Variants in INPP5A observed in about 807,000 individuals in gnomAD.
The protein encoded by INPP5A is 43 kDa inositol polyphosphate 5-phophatase.
Under a neutral mutation model 65.2 loss-of-function variants are expected in INPP5A, and 14 were observed. The observed-to-expected ratio is 0.21, with a 90% CI of 0.14 to 0.34. INPP5A has a LOEUF of 0.34. Ranked by LOEUF, INPP5A falls within the 10% of genes least tolerant of loss-of-function variation. The pLI is 1.00. For synonymous variants in INPP5A, 207 were observed against 208.3 expected (o/e 0.99, Z 0.05); for missense variants, 431 against 545.6 (o/e 0.79, Z 2.09).
intron 4 of INPP5A, among the ~76,000 whole-genome samples, chr10:132,686,480 G>A (rs944128926): frequency 1.3e-5 from 2 of 152,216 alleles, no homozygotes; most frequent in Non-Finnish European, 2.9e-5. Flanking sequence ...ACTTCCTGTC[G>A]GCAGGCCCCG....
intron 2 of INPP5A, among the ~76,000 whole-genome samples, chr10:132,611,577 C>T (rs1232349927): frequency 1.6e-5 from 2 of 122,928 alleles, no homozygotes; most frequent in South Asian, 2.7e-4. Context: ...GGGGAGAGGC[C>T]CTGTCAGGGG....
chr10:132,764,702 T>G (rs112327577), intron 11 of INPP5A, among the ~76,000 whole-genome samples: 638 of 34,000 alleles, frequency 0.019, no homozygotes, highest in Admixed American at 0.028. Context: ...AGTCCTGCTG[T>G]GGTGGGAGGG....
intron 6 of INPP5A, among the ~76,000 whole-genome samples, chr10:132,701,032 C>G (rs1387364139): frequency 1.3e-5 from 2 of 152,204 alleles, no homozygotes; most frequent in Non-Finnish European, 2.9e-5. Flanking sequence ...GCTGCAAGCT[C>G]TCATGAAGGA....
chr10:132,688,617 G>A (rs1845185403), intron 4 of INPP5A, among the ~76,000 whole-genome samples: 2 of 151,790 alleles, frequency 1.3e-5, no homozygotes, highest in East Asian at 1.9e-4. Context: ...AAGTGTGTGA[G>A]TGTGAGCAAG....
At chr10:132,562,060 C>A (rs1284083707) in intron 1 of INPP5A, among the ~76,000 whole-genome samples, 3 of 152,262 alleles carry the variant, frequency 2.0e-5, no homozygotes, top group Admixed American at 2.0e-4. Context: ...CACAAAACAT[C>A]AGGTGGTGCC....
At position 132,708,777 on chromosome 10, in the gene INPP5A, C is replaced by G. The variant is rs542298318; in HGVS notation, c.527+412C>G. Among the ~76,000 whole-genome samples the G allele has an allele frequency of 4.1e-3, 624 of 152,346 alleles. 2 individuals are homozygous for G. The highest frequency in any genetic ancestry group is 0.01 in the Middle Eastern group (3 of 294). On this transcript the variant is annotated intron_variant, in intron 7 of 15. Coordinates refer to ENST00000368594, the MANE Select transcript of INPP5A (RefSeq NM_005539.5). ...CAGACTGAGCACAGACGTAGCGGAGCCTGCGTCTCATCCACATATCCTCTG... is the reference window on the plus strand; with the variant it reads ...CAGACTGAGCACAGACGTAGCGGAGGCTGCGTCTCATCCACATATCCTCTG...
At position 132,708,429 on chromosome 10, in the gene INPP5A, G is replaced by A. The variant is rs528476450; in HGVS notation, c.527+64G>A. 1.1e-5 allele frequency: 16 copies of A among 1,510,588 alleles called. No homozygotes were observed. The South Asian group carries it at 1.5e-4, about 14-fold the overall frequency. 93.6% of individuals were successfully genotyped at this position (1,510,588 alleles called of 1,614,324 possible). The stretch of plus-strand genomic sequence containing the variant: ...TCTTACCCTTTTATATCTTGCACCA[G>A]CGGCATGTTCCACACACCTCATTGG... On this transcript the variant is annotated intron_variant, in intron 7 of 15. Transcript: ENST00000368594.
chr10:132,749,915 C>G, intron 11 of INPP5A, 70 bp downstream of exon 11: 1 of 1,326,556 alleles, frequency 7.5e-7, no homozygotes, highest in Non-Finnish European at 1.1e-6. Flanking sequence ...TTCCCATTAC[C>G]TCTGCTTACC....
At position 132,545,931 on chromosome 10, in the gene INPP5A, C is replaced by T. The variant is rs1184834005; in HGVS notation, c.75+7760C>T. ...CCTGAGGTGATGAGAGTGTGGATGGCACCTGCACTGTGTCCACTCTTTAGG... is the reference window on the plus strand; with the variant it reads ...CCTGAGGTGATGAGAGTGTGGATGGTACCTGCACTGTGTCCACTCTTTAGG... On this transcript the variant is annotated intron_variant, in intron 1 of 15. Transcript: ENST00000368594. The surrounding 1 kb of genome is among the most constrained non-coding windows in gnomAD (Gnocchi z 4.6). 6.6e-6 allele frequency among the ~76,000 whole-genome samples: 1 copy of T among 152,220 alleles called. No individual in the cohort carries two copies. Among genetic ancestry groups the T allele is most frequent in the Non-Finnish European group, 1.5e-5 (1 of 68,046 alleles).
Position 132,697,625 on chromosome 10 carries a change from A to G in INPP5A, c.371-191A>G, listed in dbSNP as rs901176704. Among the ~76,000 whole-genome samples the G allele has an allele frequency of 6.6e-6, 1 of 152,038 alleles. No individual in the cohort carries two copies. Among genetic ancestry groups the G allele is most frequent in the South Asian group, 2.1e-4 (1 of 4,812 alleles). Reference sequence around the variant, plus strand: ...ATTCCAGGTCATGGGAGGGGAATTTATGAGCCACAGGCATGGAGTAGCCGG... The same window carrying G: ...ATTCCAGGTCATGGGAGGGGAATTTGTGAGCCACAGGCATGGAGTAGCCGG... On this transcript the variant is annotated intron_variant, in intron 5 of 15. Transcript: ENST00000368594. This position sits in a 1 kb window ranked among gnomAD's most constrained non-coding sequence, Gnocchi z 5.6.
chr10:132,599,556 G>A (rs1168517142), intron 1 of INPP5A, among the ~76,000 whole-genome samples: 4 of 152,254 alleles, frequency 2.6e-5, no homozygotes, highest in African/African-American at 9.6e-5. Flanking sequence ...CACAGTGCAA[G>A]CTGTTGGTGA....
intron 1 of INPP5A, among the ~76,000 whole-genome samples, chr10:132,592,530 C>T (rs569625036): frequency 6.6e-6 from 1 of 152,296 alleles, no homozygotes; most frequent in South Asian, 2.1e-4. Flanking sequence ...ATTCTCCTGC[C>T]TCAGCCTCCC....
At position 132,549,877 on chromosome 10, in the gene INPP5A, C is replaced by T. The variant is rs948116540; in HGVS notation, c.75+11706C>T. On this transcript the variant is annotated intron_variant, in intron 1 of 15. Coordinates refer to ENST00000368594, the MANE Select transcript of INPP5A (RefSeq NM_005539.5). The surrounding 1 kb of genome is among the most constrained non-coding windows in gnomAD (Gnocchi z 4.9). ...ACGGAGTCAGCCTCAAATTATTAACCAGGCATTAGGGGATGGGGTCAGCCT... is the reference window on the plus strand; with the variant it reads ...ACGGAGTCAGCCTCAAATTATTAACTAGGCATTAGGGGATGGGGTCAGCCT... Among the ~76,000 whole-genome samples, 5 of 151,962 alleles carry T rather than the reference C, an allele frequency of 3.3e-5. No individual in the cohort carries two copies. The highest frequency in any genetic ancestry group is 3.3e-4 in the Admixed American group (5 of 15,252).
intron 8 of INPP5A, among the ~76,000 whole-genome samples, chr10:132,723,155 C>T (rs1845916856): frequency 6.6e-6 from 1 of 152,220 alleles, no homozygotes; most frequent in South Asian, 2.1e-4. Context: ...AGGACGATGA[C>T]GCGGCGTCTC....
chr10:132,780,765 C>A (rs1382278927), intron 13 of INPP5A, 84 bp from the exon 14 acceptor site: 8 of 1,105,218 alleles, frequency 7.2e-6, no homozygotes, highest in African/African-American at 1.5e-5. Context: ...CCCCACAAAA[C>A]CCTGATGTTC....
chr10:132,623,884 T>G (rs1052379227), intron 2 of INPP5A, among the ~76,000 whole-genome samples: 1 of 152,206 alleles, frequency 6.6e-6, no homozygotes, highest in Non-Finnish European at 1.5e-5. Flanking sequence ...AAATGGCAAG[T>G]AAGTGCCTGA....
chr10:132,610,867 G>A (rs936725195), intron 2 of INPP5A, among the ~76,000 whole-genome samples: 15 of 152,376 alleles, frequency 9.8e-5, no homozygotes, highest in African/African-American at 3.4e-4. Flanking sequence ...TAGGCAGATC[G>A]CTTGGAGAAC....
chr10:132,578,435 C>T (rs976061930), intron 1 of INPP5A, among the ~76,000 whole-genome samples: 11 of 140,172 alleles, frequency 7.8e-5, no homozygotes, highest in Admixed American at 5.1e-4. Context: ...TGCCAGTCCC[C>T]GGCAGGTGAA....
rs1425137161 is a variant in INPP5A at position 132,755,092 on chromosome 10, TGTGAGCAGGCAA to T, written c.903+5251_903+5262del. 2.6e-5 allele frequency among the ~76,000 whole-genome samples: 4 copies of T among 152,072 alleles called. No individual in the cohort carries two copies. In the South Asian group the frequency reaches 6.2e-4, roughly 24 times the overall value. On this transcript the variant is annotated intron_variant, in intron 11 of 15. Coordinates refer to ENST00000368594, the MANE Select transcript of INPP5A (RefSeq NM_005539.5). Reference sequence around the variant, plus strand: ...GTGTGTGATCATATGTGCATATGCATGTGAGCAGGCAAGTGTGTGAGCTGGCGTGTGAGCAGG... The same window carrying T: ...GTGTGTGATCATATGTGCATATGCATGTGTGTGAGCTGGCGTGTGAGCAGG...
Sources: allele counts gnomAD v4.1 joint callset (sites outside exome capture counted in the v4.1 genomes callset), GRCh38; gene constraint gnomAD v4.1.1; non-coding constraint Gnocchi (gnomAD v3.1); transcripts MANE v1.5; gene names NCBI Gene and HGNC (gene_info 2026-07-23, HGNC 2026-07-21).